The following TUSC3 variants were observed in gnomAD, a reference collection of about 807,000 sequenced individuals.
TUSC3 encodes dolichyl-diphosphooligosaccharide--protein glycosyltransferase subunit TUSC3.
TUSC3 carries 45 observed loss-of-function variants against 44.8 expected under a neutral mutation model. That is an observed-to-expected ratio of 1.00 (90% CI 0.79 to 1.29). TUSC3 has a LOEUF of 1.29. Ranked by LOEUF, TUSC3 falls within the 50% of genes most tolerant of loss-of-function variation. The pLI, the probability that TUSC3 is intolerant of heterozygous loss-of-function variation, is 0.00. For synonymous variants in TUSC3, 212 were observed against 152.9 expected, an observed-to-expected ratio of 1.39 and a Z score of -2.85; for missense variants, 519 against 437.9, an observed-to-expected ratio of 1.19 and a Z score of -1.65.
At chr8:15,849,413 A>G in the TUSC3 span, among the ~76,000 whole-genome samples, 1 of 152,210 alleles carries the variant, frequency 6.6e-6, no homozygotes, top group East Asian at 1.9e-4. Context: ...CCTTTCTTAT[A>G]AAGATCTATC....
intron 5 of TUSC3, among the ~76,000 whole-genome samples, chr8:15,667,927 C>G (rs892810216): frequency 6.6e-5 from 10 of 151,660 alleles, no homozygotes; most frequent in African/African-American, 2.4e-4. Context: ...TTTTGAAAAA[C>G]AAGGAAAATA....
intron 2 of TUSC3, among the ~76,000 whole-genome samples, chr8:15,529,201 A>T (rs1383876199): frequency 6.6e-6 from 1 of 152,236 alleles, no homozygotes; most frequent in African/African-American, 2.4e-5. Flanking sequence ...GTTCAGTACC[A>T]TAATTCCATT....
intron 1 of TUSC3, among the ~76,000 whole-genome samples, chr8:15,585,633 C>G (rs1431292506): frequency 6.6e-6 from 1 of 152,150 alleles, no homozygotes. Flanking sequence ...AGCCTAGAAT[C>G]AATCACTCCC....
chr8:15,721,379 T>A (rs1010143264), intron 6 of TUSC3, among the ~76,000 whole-genome samples: 13 of 152,068 alleles, frequency 8.5e-5, no homozygotes, highest in African/African-American at 3.1e-4. Flanking sequence ...TTGTTTTGCA[T>A]TTTGGATTTA....
chr8:15,648,445 G>T (rs1054517054), intron 2 of TUSC3, among the ~76,000 whole-genome samples: 1 of 152,054 alleles, frequency 6.6e-6, no homozygotes, highest in Non-Finnish European at 1.5e-5. Flanking sequence ...ATAAGACGTT[G>T]GCTGGGCGCA....
intron 1 of TUSC3, among the ~76,000 whole-genome samples, chr8:15,446,149 C>A (rs1248111458): frequency 2.0e-5 from 3 of 149,464 alleles, no homozygotes; most frequent in African/African-American, 7.4e-5. Flanking sequence ...CGGGCAGAGG[C>A]GCTCCTCACA....
chr8:15,613,580 C>T (rs536518069), intron 1 of TUSC3, among the ~76,000 whole-genome samples: 4 of 152,204 alleles, frequency 2.6e-5, no homozygotes, highest in South Asian at 2.1e-4. Context: ...TGCTGTTCTT[C>T]GTCTTCTGCC....
intron 2 of TUSC3, among the ~76,000 whole-genome samples, chr8:15,506,918 G>C (rs922462091): frequency 1.3e-5 from 2 of 152,212 alleles, no homozygotes; most frequent in Admixed American, 1.3e-4. Flanking sequence ...TGCATTTCCT[G>C]TCTTGGTCGG....
At chr8:15,494,697 A>G (rs1585065255) in intron 2 of TUSC3, among the ~76,000 whole-genome samples, 1 of 152,306 alleles carries the variant, frequency 6.6e-6, no homozygotes, top group South Asian at 2.1e-4. Flanking sequence ...AATACCTGTA[A>G]TGGAACAGTG....
Position 15,650,686 on chromosome 8 carries a change from A to T in TUSC3, c.309-11A>T. 1.2e-6 allele frequency: 2 copies of T among 1,612,156 alleles called. No individual in the cohort carries two copies. The highest frequency in any genetic ancestry group is 1.7e-6 in the Non-Finnish European group (2 of 1,178,306). Reference sequence around the variant, plus strand: ...TGATGTGTTTCTACTATGGCCCATTATTCTTATCAGGCAAGCTAATGAAGA... The same window carrying T: ...TGATGTGTTTCTACTATGGCCCATTTTTCTTATCAGGCAAGCTAATGAAGA... On this transcript the variant is annotated splice_polypyrimidine_tract_variant and intron_variant, in intron 2 of 10. Coordinates refer to ENST00000503731, the MANE Select transcript of TUSC3 (RefSeq NM_006765.4).
the TUSC3 span, among the ~76,000 whole-genome samples, chr8:15,826,283 T>G: frequency 6.6e-6 from 1 of 152,166 alleles, no homozygotes; most frequent in Non-Finnish European, 1.5e-5. Flanking sequence ...TAAGTACGAA[T>G]GGGATTTGGC....
intron 5 of TUSC3, among the ~76,000 whole-genome samples, chr8:15,662,808 A>G (rs1807483656): frequency 6.6e-6 from 1 of 152,010 alleles, no homozygotes; most frequent in South Asian, 2.1e-4. Flanking sequence ...CTATGACGGC[A>G]GTAAGTAACA....
the TUSC3 span, among the ~76,000 whole-genome samples, chr8:15,832,848 C>G: frequency 6.6e-6 from 1 of 152,096 alleles, no homozygotes; most frequent in Admixed American, 6.6e-5. Flanking sequence ...ACTTCAACAC[C>G]CCAATGACAG....
intron 6 of TUSC3, among the ~76,000 whole-genome samples, chr8:15,689,995 G>C (rs571339452): frequency 2.0e-5 from 3 of 151,910 alleles, no homozygotes; most frequent in Non-Finnish European, 4.4e-5. Flanking sequence ...TGTCTTTATG[G>C]TAGAACAATT....
intron 1 of TUSC3, among the ~76,000 whole-genome samples, chr8:15,582,699 C>T (rs114626598): frequency 0.021 from 3,132 of 152,278 alleles, 93 homozygotes; most frequent in African/African-American, 0.07. Flanking sequence ...CTCTGCAAGC[C>T]TGCTGCTGAA....
chr8:15,577,817 G>C (rs1803174883), intron 1 of TUSC3, among the ~76,000 whole-genome samples: 1 of 148,198 alleles, frequency 6.7e-6, no homozygotes, highest in African/African-American at 2.5e-5. Flanking sequence ...GGTTCCATAT[G>C]AACTTTAAAG....
At chr8:15,768,502 C>T (rs1334483949), downstream of TUSC3, among the ~76,000 whole-genome samples, 5 of 152,020 alleles carry the variant, frequency 3.3e-5, no homozygotes, top group Admixed American at 2.0e-4. Context: ...ACTTGCTAGA[C>T]GAGGACATTA....
intron 1 of TUSC3, among the ~76,000 whole-genome samples, chr8:15,446,023 G>A (rs928856967): frequency 3.3e-5 from 5 of 151,198 alleles, no homozygotes; most frequent in South Asian, 2.1e-4. Context: ...GCCGGCTGCC[G>A]GGCGGAGGGG....
At chr8:15,637,230 C>A (rs559397413) in intron 2 of TUSC3, among the ~76,000 whole-genome samples, 1 of 148,014 alleles carries the variant, frequency 6.8e-6, no homozygotes, top group Non-Finnish European at 1.5e-5. Flanking sequence ...ACCCCATTCC[C>A]TCTTAAACTT....
Sources: allele counts gnomAD v4.1 joint callset (sites outside exome capture counted in the v4.1 genomes callset), GRCh38; gene constraint gnomAD v4.1.1; transcripts MANE v1.5; gene names NCBI Gene and HGNC (gene_info 2026-07-23, HGNC 2026-07-21).